Variants in PDLIM5 observed in about 807,000 individuals in gnomAD.
PDLIM5 encodes PDZ and LIM domain protein 5.
PDLIM5 carries 34 observed loss-of-function variants against 64.2 expected under a neutral mutation model. The observed-to-expected ratio is 0.53, with a 90% CI of 0.40 to 0.71. The LOEUF is 0.71. PDLIM5 is among the 30% of genes least tolerant of loss of function. The probability of loss-of-function intolerance (pLI) is 0.00; values close to 1 mark genes in which losing one functional copy is unlikely to be tolerated. For synonymous variants in PDLIM5, 253 were observed against 269.1 expected, an observed-to-expected ratio of 0.94 and a Z score of 0.59; for missense variants, 683 against 733.6, an observed-to-expected ratio of 0.93 and a Z score of 0.80.
At chr4:94,564,368 A>G (rs1300805100) in intron 3 of PDLIM5, among the ~76,000 whole-genome samples, 1 of 151,908 alleles carries the variant, frequency 6.6e-6, no homozygotes, top group East Asian at 1.9e-4. Context: ...TTTATCTCTC[A>G]CTGCTTTCCC....
intron 8 of PDLIM5, among the ~76,000 whole-genome samples, chr4:94,639,273 T>TG (rs1740814437): frequency 6.6e-6 from 1 of 152,038 alleles, no homozygotes; most frequent in Non-Finnish European, 1.5e-5. Flanking sequence ...CAGAGACCAC[T>TG]GGGGGGATTT....
chr4:94,610,245 T>C, intron 7 of PDLIM5: 1 of 1,518,936 alleles, frequency 6.6e-7, no homozygotes, highest in Non-Finnish European at 8.8e-7. Context: ...CTAGATATAG[T>C]GCTGCAGTTC....
chr4:94,640,923 C>G (rs547497200), intron 9 of PDLIM5, among the ~76,000 whole-genome samples: 1 of 152,270 alleles, frequency 6.6e-6, no homozygotes, highest in African/African-American at 2.4e-5. Context: ...ACCTTCAGAC[C>G]TATTCATAAA....
intron 2 of PDLIM5, chr4:94,456,153 A>C (rs1723330471): frequency 2.1e-6 from 1 of 484,488 alleles, no homozygotes; most frequent in Admixed American, 3.9e-5. Flanking sequence ...GCATATTCAA[A>C]TAAATATGAA....
At chr4:94,648,654 A>G (rs1357057898) in intron 9 of PDLIM5, among the ~76,000 whole-genome samples, 3 of 152,196 alleles carry the variant, frequency 2.0e-5, no homozygotes, top group Non-Finnish European at 4.4e-5. Flanking sequence ...TACCCTGCTC[A>G]GAATCGCACC....
At chr4:94,659,900 C>CT (rs11424534) in intron 11 of PDLIM5, among the ~76,000 whole-genome samples, 85,320 of 140,914 alleles carry the variant, frequency 0.61, 26,165 homozygotes, top group African/African-American at 0.73. Context: ...AAAAATTACA[C>CT]TTTTTTTTTT....
At chr4:94,516,182 C>T (rs937251101) in intron 2 of PDLIM5, among the ~76,000 whole-genome samples, 2 of 152,154 alleles carry the variant, frequency 1.3e-5, no homozygotes, top group African/African-American at 4.8e-5. Context: ...AGCAAAAGCC[C>T]TGTGTTTGAA....
rs1729582491 is a variant in PDLIM5, at chr4:94,518,830, A to G, written c.97-4894A>G. The stretch of plus-strand genomic sequence containing the variant: ...ACACCGGGGACATCTTTGTTTCCTC[A>G]TGGTCTTGGTTCCCTCCTCTGCCTT... On this transcript the variant is annotated intron_variant, in intron 2 of 12. Coordinates refer to ENST00000317968, the MANE Select transcript of PDLIM5 (RefSeq NM_006457.5). 2.0e-5 allele frequency among the ~76,000 whole-genome samples: 3 copies of G among 152,056 alleles called. No individual in the cohort carries two copies. In the South Asian group the frequency reaches 6.2e-4, roughly 32 times the overall value.
At chr4:94,579,326 T>A in intron 5 of PDLIM5, 1 of 350,126 alleles carries the variant, frequency 2.9e-6, no homozygotes, top group East Asian at 4.3e-5. Flanking sequence ...ACCTTTTCCC[T>A]TTCCATATAT....
At chr4:94,490,781 A>G (rs1262922158) in intron 2 of PDLIM5, among the ~76,000 whole-genome samples, 3 of 152,186 alleles carry the variant, frequency 2.0e-5, no homozygotes, top group African/African-American at 4.8e-5. Context: ...AAGAAGTTAA[A>G]TAATACTTTT....
chr4:94,631,750 C>T (rs1311049881), intron 8 of PDLIM5, among the ~76,000 whole-genome samples: 2 of 152,206 alleles, frequency 1.3e-5, no homozygotes, highest in African/African-American at 4.8e-5. Context: ...GGATTCTCTG[C>T]TCCCCTCCAC....
chr4:94,559,969 G>A (rs1018802665), intron 3 of PDLIM5, among the ~76,000 whole-genome samples: 2 of 152,300 alleles, frequency 1.3e-5, no homozygotes, highest in South Asian at 2.1e-4. Flanking sequence ...GGATTTCTTT[G>A]TGGGGATTAG....
chr4:94,643,109 G>A (rs889681855), intron 9 of PDLIM5, among the ~76,000 whole-genome samples: 2 of 151,716 alleles, frequency 1.3e-5, no homozygotes, highest in African/African-American at 4.8e-5. Flanking sequence ...GAAAACCTCA[G>A]GAATCTGAAT....
intron 3 of PDLIM5, among the ~76,000 whole-genome samples, chr4:94,524,447 T>A (rs1484089514): frequency 6.7e-6 from 1 of 149,264 alleles, no homozygotes; most frequent in East Asian, 2.0e-4. Context: ...CTCAATGGAG[T>A]GCAGGCTAAG....
At chr4:94,456,765 C>G in intron 2 of PDLIM5, 3 of 1,231,980 alleles carry the variant, frequency 2.4e-6, no homozygotes, top group Non-Finnish European at 3.0e-6. Flanking sequence ...TGCCAATTTA[C>G]ACTTTTGTGC....
At chr4:94,460,268 A>C (rs1723756844) in intron 2 of PDLIM5, among the ~76,000 whole-genome samples, 1 of 152,144 alleles carries the variant, frequency 6.6e-6, no homozygotes, top group African/African-American at 2.4e-5. Context: ...ATTCTGGATA[A>C]ATTTTTCTGC....
At chr4:94,642,624 A>T (rs1164095864) in intron 9 of PDLIM5, among the ~76,000 whole-genome samples, 1 of 152,208 alleles carries the variant, frequency 6.6e-6, no homozygotes, top group East Asian at 1.9e-4. Flanking sequence ...AGGAATGGGG[A>T]TTAGTTCATG....
intron 7 of PDLIM5, among the ~76,000 whole-genome samples, chr4:94,594,941 A>T (rs750611497): frequency 6.6e-6 from 1 of 152,174 alleles, no homozygotes; most frequent in Non-Finnish European, 1.5e-5. Context: ...TTTATGAGGA[A>T]GCGGTTTGAT....
intron 9 of PDLIM5, among the ~76,000 whole-genome samples, chr4:94,651,208 TG>T (rs1741820889): frequency 6.6e-6 from 1 of 152,212 alleles, no homozygotes; most frequent in East Asian, 1.9e-4. Flanking sequence ...AGGGCATTGA[TG>T]GAGAAAGATG....
Sources: allele counts gnomAD v4.1 joint callset (sites outside exome capture counted in the v4.1 genomes callset), GRCh38; gene constraint gnomAD v4.1.1; transcripts MANE v1.5; gene names NCBI Gene and HGNC (gene_info 2026-07-23, HGNC 2026-07-21).